ZNF479: variants seen among roughly 807,000 people sequenced by gnomAD.
ZNF479 encodes KRAB zinc finger protein KR19.
In ZNF479, 15 loss-of-function variants were observed where a neutral mutation model predicts 14.7. The ratio of observed to expected loss-of-function variants is 1.02; its 90% CI spans 0.68 to 1.57. The LOEUF (loss-of-function observed/expected upper bound fraction) is 1.57, where lower values mean the gene tolerates loss of function less well. ZNF479 is among the 40% of genes most tolerant of loss of function. The pLI, the probability that ZNF479 is intolerant of heterozygous loss-of-function variation, is 0.00. For missense variants in ZNF479, 506 were observed against 615.1 expected (o/e 0.82, Z 1.88); for synonymous variants, 145 against 211.5 (o/e 0.69, Z 2.73).
chr7:57,130,865 A>G (rs574337699), intron 1 of ZNF479, among the ~76,000 whole-genome samples: 12 of 152,356 alleles, frequency 7.9e-5, no homozygotes, highest in Non-Finnish European at 5.9e-5. Flanking sequence ...TATGTCTTCA[A>G]TGGTAGACTG....
upstream of ZNF479, among the ~76,000 whole-genome samples, chr7:57,135,500 C>T (rs915188679): frequency 6.6e-6 from 1 of 152,106 alleles, no homozygotes; most frequent in Non-Finnish European, 1.5e-5. Flanking sequence ...GCAACCTCCA[C>T]CTCCCAGGTT....
chr7:57,118,274 T>TACAC lies in ZNF479; in HGVS notation c.*1565_*1566insGTGT, dbSNP rs1554399397. Among the ~76,000 whole-genome samples, 1 of 152,284 alleles carries TACAC rather than the reference T, an allele frequency of 6.6e-6. No homozygotes were observed. Among genetic ancestry groups the TACAC allele is most frequent in the African/African-American group, 2.4e-5 (1 of 41,482 alleles). On this transcript the variant is annotated 3_prime_UTR_variant, in exon 4 of 4. Coordinates refer to ENST00000319636, the MANE Select transcript of ZNF479 (RefSeq NM_001370129.2). Reference sequence around the variant, plus strand: ...ATAAAATCTGTAATGGAAGTAAAGGTACAGCAATCCTCTTTAAGTTTGTAT... The same window carrying TACAC: ...ATAAAATCTGTAATGGAAGTAAAGGTACACACAGCAATCCTCTTTAAGTTTGTAT...
chr7:57,139,727 C>T lies in ZNF479; in HGVS notation c.-134G>A, dbSNP rs560720984. 1.4e-4 allele frequency: 22 copies of T among 152,276 alleles called. 2 individuals carry two copies. Among genetic ancestry groups the T allele is most frequent in the African/African-American group, 5.1e-4 (21 of 41,544 alleles). The allele number at this position is 152,276 out of a possible 1,614,324, so 9.4% of individuals were successfully genotyped here. The stretch of plus-strand genomic sequence containing the variant: ...ACTCTCCTTTTCTGCCTGGGTCCTG[C>T]CCTTAGTTGGGATTGTGACATATCA... On this transcript the variant is annotated 5_prime_UTR_variant, in exon 1 of 5. Transcript: ENST00000331162.
At chr7:57,137,656 A>G (rs753454951) in intron 1 of ZNF479, among the ~76,000 whole-genome samples, 1 of 152,224 alleles carries the variant, frequency 6.6e-6, no homozygotes, top group Non-Finnish European at 1.5e-5. Context: ...TGATTGTGTC[A>G]TATAGTTTCA....
chr7:57,133,737 G>C (rs941376170), upstream of ZNF479, among the ~76,000 whole-genome samples: 1 of 152,018 alleles, frequency 6.6e-6, no homozygotes, highest in East Asian at 1.9e-4. Flanking sequence ...GTGGTGACAG[G>C]CATCTGCAAT....
At chr7:57,132,236 G>C in intron 1 of ZNF479, 50 bp downstream of exon 1, 1 of 1,613,854 alleles carries the variant, frequency 6.2e-7, no homozygotes, top group Non-Finnish European at 8.5e-7. Context: ...CTTTCTGCCG[G>C]TTCCAATCAG....
At chr7:57,137,304 A>ATTTGCATTT (rs1345766631), upstream of ZNF479, among the ~76,000 whole-genome samples, 9 of 152,058 alleles carry the variant, frequency 5.9e-5, no homozygotes, top group African/African-American at 2.2e-4. Flanking sequence ...CCTGGCTGCT[A>ATTTGCATTT]TTTGTATTTT....
In ZNF479 at chr7:57,119,868, G is replaced by A. The variant is rs371032084; in HGVS notation, c.1547C>T (p.Thr516Ile). The A allele has an allele frequency of 1.2e-6, 2 of 1,613,378 alleles. No individual in the cohort carries two copies. Among genetic ancestry groups the A allele is most frequent in the Non-Finnish European group, 1.7e-6 (2 of 1,179,610 alleles). Residue 516 changes from threonine (T) to isoleucine (I), a missense_variant, in exon 4 of 4, where the codon ACT (threonine) becomes ATT (isoleucine). Around this residue, in one of 3 missense-constraint regions of ZNF479, gnomAD observed 72 missense variants for 97.6 expected, o/e 0.74. Coordinates refer to ENST00000319636, the MANE Select transcript of ZNF479 (RefSeq NM_001370129.2). ...TTCACATTTGTAGGGTTTCTCTCCA[G>A]TGTGAATTATCTTATGTTTAGCAAG... ...SSLAKHKIIH[T>I]GEKPYKCE
At chr7:57,135,937 A>C (rs951299883), upstream of ZNF479, among the ~76,000 whole-genome samples, 95 of 146,826 alleles carry the variant, frequency 6.5e-4, 1 homozygote, top group African/African-American at 2.3e-3. Flanking sequence ...TGAGCTCCTC[A>C]CCTTTCCTGC....
rs1554400038 is a variant in ZNF479, at chr7:57,120,373, T to C, written c.1042A>G (p.Thr348Ala). Residue 348 changes from threonine to alanine, a missense_variant, in exon 4 of 4, where the codon ACT becomes GCT. Thr to Ala is a moderately conservative substitution (Grantham distance 58). Coordinates refer to ENST00000319636, the MANE Select transcript of ZNF479 (RefSeq NM_001370129.2). The stretch of plus-strand genomic sequence containing the variant: ...TCACAGGCATAGGGTTTCTCTCTAG[T>C]ATGAATTCTCTTATGTCTAGTAAGG... ...SNLTRHKRIH[T>A]REKPYACEEC... The C allele has an allele frequency of 1.9e-6, 3 of 1,613,580 alleles. No homozygotes were observed. Among genetic ancestry groups the C allele is most frequent in the Admixed American group, 1.7e-5 (1 of 59,880 alleles).
At chr7:57,127,854 A>G (rs934171906) in intron 1 of ZNF479, among the ~76,000 whole-genome samples, 11 of 150,942 alleles carry the variant, frequency 7.3e-5, no homozygotes, top group Non-Finnish European at 1.3e-4. Context: ...ATGCACACAC[A>G]ACACAACATC....
rs1291498244 is a variant in ZNF479, at chr7:57,118,299, TG to T, written c.*1540del. On this transcript the variant is annotated 3_prime_UTR_variant, in exon 4 of 4. Coordinates refer to ENST00000319636, the MANE Select transcript of ZNF479 (RefSeq NM_001370129.2). ...TACAGCAATCCTCTTTAAGTTTGTATGTTTGTCTTCAGAATAACTGGTCTTT... is the reference window on the plus strand; with the variant it reads ...TACAGCAATCCTCTTTAAGTTTGTATTTTGTCTTCAGAATAACTGGTCTTT... 1.4e-4 allele frequency among the ~76,000 whole-genome samples: 22 copies of T among 152,378 alleles called. No individual in the cohort carries two copies. Among genetic ancestry groups the T allele is most frequent in the African/African-American group, 5.3e-4 (22 of 41,586 alleles).
intron 2 of ZNF479, 112 bp downstream of exon 2, chr7:57,126,480 T>G: frequency 9.6e-7 from 1 of 1,038,076 alleles, no homozygotes; most frequent in Non-Finnish European, 1.4e-6. Context: ...TCCCCAAGAT[T>G]TTCTTAAAAT....
chr7:57,121,933 A>G (rs2115860016), intron 3 of ZNF479, among the ~76,000 whole-genome samples: 1 of 152,228 alleles, frequency 6.6e-6, no homozygotes, highest in South Asian at 2.1e-4. Context: ...CCCAAATAAA[A>G]TAAGAAAAAT....
At chr7:57,129,056 G>T (rs2115884690) in intron 1 of ZNF479, among the ~76,000 whole-genome samples, 1 of 152,136 alleles carries the variant, frequency 6.6e-6, no homozygotes, top group East Asian at 1.9e-4. Context: ...TAACTGAAAA[G>T]ATTTAAGAGC....
At position 57,125,739 on chromosome 7, in the gene ZNF479, C is replaced by A. The variant is rs1173656810; in HGVS notation, c.262+279G>T. 2.6e-5 allele frequency among the ~76,000 whole-genome samples: 4 copies of A among 152,134 alleles called. No homozygotes were observed. The East Asian group carries it at 7.7e-4, about 29-fold the overall frequency. ...TGTGTCCCCAAAAGCAATGGCAAAG[C>A]AGTCAGTTTGCGCAGTCCCTGATAA... is the stretch of plus-strand genomic sequence containing the variant. On this transcript the variant is annotated intron_variant, in intron 3 of 3. Transcript: ENST00000319636.
At chr7:57,134,422 T>C (rs1453417094), upstream of ZNF479, among the ~76,000 whole-genome samples, 1 of 152,132 alleles carries the variant, frequency 6.6e-6, no homozygotes, top group Non-Finnish European at 1.5e-5. Context: ...GAGAGTTACC[T>C]TACATGGTCT....
At chr7:57,135,978 T>C (rs1786634051), upstream of ZNF479, among the ~76,000 whole-genome samples, 2 of 45,964 alleles carry the variant, frequency 4.4e-5, no homozygotes, top group South Asian at 1.1e-3. Flanking sequence ...TCTCAATCTC[T>C]CTCTCTCTCT....
At chr7:57,139,636 T>C (rs1786795051) in exon 1 of ZNF479, 1 of 152,212 alleles carries the variant, frequency 6.6e-6, no homozygotes, top group African/African-American at 2.4e-5. Flanking sequence ...TCAGTTCCTC[T>C]TCTGCATGAG....
Sources: gnomAD v4.1 joint callset for allele counts (sites outside exome capture counted in the v4.1 genomes callset) on GRCh38, gnomAD v4.1.1 for gene constraint, gnomAD v4.1.1 regional missense constraint, MANE v1.5 for transcripts, NCBI Gene and HGNC (gene_info 2026-07-23, HGNC 2026-07-21) for gene names.